DNAH7: variants seen among roughly 807,000 people sequenced by gnomAD.
The protein encoded by DNAH7 is dynein axonemal heavy chain 7, also known as axonemal beta dynein heavy chain 7.
Under a neutral mutation model 444.6 loss-of-function variants are expected in DNAH7, and 397 were observed. The ratio of observed to expected loss-of-function variants is 0.89; its 90% CI spans 0.82 to 0.97. The LOEUF (loss-of-function observed/expected upper bound fraction) is 0.97, where lower values mean the gene tolerates loss of function less well. Among genes scored for constraint, DNAH7 ranks in the 50% least tolerant of loss-of-function variants. The pLI is 0.00. For synonymous variants in DNAH7, 1,636 were observed against 1,624.4 expected (o/e 1.01, Z -0.17); for missense variants, 4,902 against 4,800.8 (o/e 1.02, Z -0.62).
intron 54 of DNAH7, among the ~76,000 whole-genome samples, chr2:195,802,201 G>A (rs909731909): frequency 1.5e-4 from 23 of 151,978 alleles, no homozygotes; most frequent in African/African-American, 5.1e-4. Flanking sequence ...TTTGTTTTTT[G>A]TTCTTATTTA....
intron 4 of DNAH7, 74 bp from the exon 5 acceptor site, chr2:196,047,573 T>G: frequency 8.1e-7 from 1 of 1,241,468 alleles, no homozygotes; most frequent in Non-Finnish European, 1.1e-6. Flanking sequence ...ATGCTTAAAA[T>G]AAGATGCTAA....
At chr2:196,059,690 C>T (rs1386227751) in intron 1 of DNAH7, among the ~76,000 whole-genome samples, 1 of 152,180 alleles carries the variant, frequency 6.6e-6, no homozygotes, top group Non-Finnish European at 1.5e-5. Context: ...CAGCTTTCCA[C>T]AAGTTTCACT....
chr2:195,857,885 C>T (rs1014262568), intron 43 of DNAH7, among the ~76,000 whole-genome samples, 162 bp from the exon 44 acceptor site: 2 of 152,118 alleles, frequency 1.3e-5, no homozygotes, highest in African/African-American at 4.8e-5. Flanking sequence ...CTCAGTCCCA[C>T]CCAAAAGTTT....
chr2:195,778,218 G>T (rs1271774827), intron 58 of DNAH7, among the ~76,000 whole-genome samples: 1 of 151,926 alleles, frequency 6.6e-6, no homozygotes, highest in South Asian at 2.1e-4. Context: ...CTATTAAGTT[G>T]TGAATTTATT....
chr2:195,858,586 T>C lies in DNAH7; in HGVS notation c.7955A>G (p.Asn2652Ser). Residue 2652 changes from asparagine (N) to serine (S), a missense_variant, in exon 43 of 65, where the codon AAT becomes AGT. By Grantham distance (46) the Asn-to-Ser change is conservative. Transcript: ENST00000312428. The stretch of plus-strand genomic sequence containing the variant: ...GGCTTTGGAAGCCATAGCTTGTTCA[T>C]TCGCTATTGTTTCATCAGCTTTCAC... ...KIVKADETIA[N>S]EQAMASKAIK... 4.3e-6 allele frequency: 7 copies of C among 1,614,024 alleles called. No individual in the cohort carries two copies. The highest frequency in any genetic ancestry group is 5.9e-6 in the Non-Finnish European group (7 of 1,179,950).
Position 195,965,193 on chromosome 2 carries a change from G to A in DNAH7, c.2206-4248C>T, listed in dbSNP as rs540019834. On this transcript the variant is annotated intron_variant, in intron 17 of 64. Coordinates refer to ENST00000312428, the MANE Select transcript of DNAH7 (RefSeq NM_018897.3). ...TCATCATGAAGTGATGTTGAATTTTGTTATATGCTTTTTCAGCACCAATTG... is the reference window on the plus strand; with the variant it reads ...TCATCATGAAGTGATGTTGAATTTTATTATATGCTTTTTCAGCACCAATTG... 9.3e-4 allele frequency among the ~76,000 whole-genome samples: 141 copies of A among 152,164 alleles called. 1 individual carries two copies. Among genetic ancestry groups the A allele is most frequent in the Non-Finnish European group, 1.6e-3 (107 of 67,992 alleles).
At chr2:195,874,498 G>A (rs766483826) in intron 38 of DNAH7, among the ~76,000 whole-genome samples, 4 of 152,070 alleles carry the variant, frequency 2.6e-5, no homozygotes, top group African/African-American at 4.8e-5. Flanking sequence ...TGAAGAGGCA[G>A]GGAAAAGTGG....
chr2:196,016,744 A>G (rs528596292), intron 9 of DNAH7, among the ~76,000 whole-genome samples: 3 of 152,316 alleles, frequency 2.0e-5, no homozygotes, highest in African/African-American at 7.2e-5. Context: ...GGAGGAAAAA[A>G]TAAACTTGAA....
intron 15 of DNAH7, among the ~76,000 whole-genome samples, chr2:195,984,429 C>G (rs1292146042): frequency 6.6e-6 from 1 of 151,988 alleles, no homozygotes; most frequent in Non-Finnish European, 1.5e-5. Flanking sequence ...CTCATTGCAA[C>G]CTCTGCCTCC....
chr2:196,033,205 T>A (rs1215573407), intron 5 of DNAH7, among the ~76,000 whole-genome samples: 1 of 152,216 alleles, frequency 6.6e-6, no homozygotes, highest in Non-Finnish European at 1.5e-5. Flanking sequence ...TATAGTTGTA[T>A]ATGATTATAA....
intron 15 of DNAH7, among the ~76,000 whole-genome samples, chr2:195,973,978 G>A (rs753582606): frequency 6.6e-6 from 1 of 152,120 alleles, no homozygotes; most frequent in South Asian, 2.1e-4. Context: ...TTAGGAGGCT[G>A]AGGCAGGCGA....
chr2:195,923,550 G>A (rs752042913), intron 23 of DNAH7, 45 bp downstream of exon 23: 8 of 1,575,684 alleles, frequency 5.1e-6, no homozygotes, highest in South Asian at 1.1e-5. Flanking sequence ...TTAAAACTAC[G>A]AGCTGAAATT....
intron 51 of DNAH7, among the ~76,000 whole-genome samples, chr2:195,810,844 T>C (rs942087723): frequency 6.6e-6 from 1 of 152,206 alleles, no homozygotes; most frequent in African/African-American, 2.4e-5. Context: ...TCTGTCCCCA[T>C]TATTATGCTA....
At position 195,900,327 on chromosome 2, in the gene DNAH7, T is replaced by A. The variant is rs758650167; in HGVS notation, c.4503A>T (p.Gly1501=). Residue 1501 remains glycine, a synonymous_variant, in exon 28 of 65, where the codon GGA becomes GGT. Coordinates refer to ENST00000312428, the MANE Select transcript of DNAH7 (RefSeq NM_018897.3). The stretch of plus-strand genomic sequence containing the variant: ...TAAGAACTGACTTCACGGCTCTCAT[T>A]CCATAGTCGTAGTGATGTTGAGATG... ...QLSSQHHYDY[G]MRAVKSVLTA... 3 of 1,613,994 alleles carry A rather than the reference T, an allele frequency of 1.9e-6. No individual in the cohort carries two copies. Among genetic ancestry groups the A allele is most frequent in the Middle Eastern group, 1.6e-4 (1 of 6,062 alleles).
intron 58 of DNAH7, among the ~76,000 whole-genome samples, chr2:195,786,569 A>AT (rs11397952): frequency 0.064 from 9,316 of 145,080 alleles, 366 homozygotes; most frequent in African/African-American, 0.12. Context: ...GCTTAAATAG[A>AT]TTTTTTTTTT....
At chr2:195,987,794 CT>C (rs1226764316) in intron 13 of DNAH7, among the ~76,000 whole-genome samples, 162 bp downstream of exon 13, 2 of 152,010 alleles carry the variant, frequency 1.3e-5, no homozygotes, top group East Asian at 3.9e-4. Flanking sequence ...GATTCTTATA[CT>C]CAGGGCTTAC....
chr2:195,926,830 C>T (rs777243213), intron 21 of DNAH7, among the ~76,000 whole-genome samples: 18 of 151,888 alleles, frequency 1.2e-4, no homozygotes, highest in Admixed American at 2.0e-4. Context: ...ATCAAATATT[C>T]ATTTGAATAA....
At chr2:195,832,580 C>T (rs532374662) in intron 48 of DNAH7, among the ~76,000 whole-genome samples, 1 of 151,720 alleles carries the variant, frequency 6.6e-6, no homozygotes, top group Non-Finnish European at 1.5e-5. Flanking sequence ...GTAGCTGGGA[C>T]CACAGGCACA....
intron 63 of DNAH7, among the ~76,000 whole-genome samples, chr2:195,742,402 T>C (rs1002562772): frequency 1.1e-4 from 17 of 152,320 alleles, no homozygotes; most frequent in Middle Eastern, 3.4e-3. Flanking sequence ...CCAATCAGAT[T>C]AGTTATTCCT....
Sources: allele counts gnomAD v4.1 joint callset (sites outside exome capture counted in the v4.1 genomes callset), GRCh38; gene constraint gnomAD v4.1.1; transcripts MANE v1.5; gene names NCBI Gene and HGNC (gene_info 2026-07-23, HGNC 2026-07-21).